The following DCP2 variants were observed in gnomAD, a reference collection of about 807,000 sequenced individuals.
DCP2 encodes decapping mRNA 2, also known as m7GpppN-mRNA hydrolase.
DCP2 carries 30 observed loss-of-function variants against 56.1 expected under a neutral mutation model. That is an observed-to-expected ratio of 0.53 (90% confidence interval 0.40 to 0.73). The LOEUF (loss-of-function observed/expected upper bound fraction) is 0.73, where lower values mean the gene tolerates loss of function less well. Ranked by LOEUF, DCP2 falls within the 30% of genes least tolerant of loss-of-function variation. DCP2 has a pLI of 0.00. For missense variants in DCP2, 533 were observed against 502.7 expected (o/e 1.06, Z -0.58); for synonymous variants, 197 against 163.3 (o/e 1.21, Z -1.57).
chr5:112,976,891 C>G lies in DCP2; in HGVS notation c.-43C>G, dbSNP rs941017147. On this transcript the variant is annotated 5_prime_UTR_variant, in exon 1 of 11. Transcript: ENST00000389063. ...TAGTGCCGTACCGTCAGTCCCCGGCCGCGCGGAGCCGGGATGCACTGTTCC... is the reference window on the plus strand; with the variant it reads ...TAGTGCCGTACCGTCAGTCCCCGGCGGCGCGGAGCCGGGATGCACTGTTCC... 3 of 1,605,308 alleles carry G rather than the reference C, an allele frequency of 1.9e-6. No homozygotes were observed. Among genetic ancestry groups the G allele is most frequent in the Non-Finnish European group, 2.6e-6 (3 of 1,171,940 alleles).
chr5:113,014,383 C>T lies in DCP2; in HGVS notation c.*899C>T, dbSNP rs1347446748. 6.6e-6 allele frequency: 1 copy of T among 152,176 alleles called. No homozygotes were observed. Among genetic ancestry groups the T allele is most frequent in the Non-Finnish European group, 1.5e-5 (1 of 68,020 alleles). The allele number at this position is 152,176 out of a possible 1,614,324, so 9.4% of individuals were successfully genotyped here. On this transcript the variant is annotated 3_prime_UTR_variant, in exon 11 of 11. Coordinates refer to ENST00000389063, the MANE Select transcript of DCP2 (RefSeq NM_152624.6). ...TTTACGTTGCATCTCCAGTATTGAT[C>T]TTTGGAAACTGATGTTACATTAGGT... is the stretch of plus-strand genomic sequence containing the variant.
chr5:113,019,310 T>C lies in DCP2; in HGVS notation c.*5826T>C, dbSNP rs1423956056. On this transcript the variant is annotated 3_prime_UTR_variant, in exon 11 of 11. Coordinates refer to ENST00000389063, the MANE Select transcript of DCP2 (RefSeq NM_152624.6). ...ATTCTTCAGCAGTTGGTTGATTAGA[T>C]GGGTTAGTGCTTTTGGAATATATAA... 6.6e-6 allele frequency: 1 copy of C among 152,236 alleles called. No individual in the cohort carries two copies. The highest frequency in any genetic ancestry group is 6.5e-5 in the Admixed American group (1 of 15,290). The allele number at this position is 152,236 out of a possible 1,614,324, so 9.4% of individuals were successfully genotyped here. A position where few individuals can be genotyped will look rare whatever the true frequency, so the allele number is the denominator to read the frequency against.
rs1464078231 is a variant in DCP2, at chr5:113,018,309, C to T, written c.*4825C>T. ...AAGTATGGAGGTCTTGAGAATTGTT[C>T]ATAATGAAATCTTTAATCTGGGTTA... On this transcript the variant is annotated 3_prime_UTR_variant, in exon 11 of 11. Coordinates refer to ENST00000389063, the MANE Select transcript of DCP2 (RefSeq NM_152624.6). 3 of 152,150 alleles carry T rather than the reference C, an allele frequency of 2.0e-5. No individual in the cohort carries two copies. The highest frequency in any genetic ancestry group is 2.9e-5 in the Non-Finnish European group (2 of 68,012). 9.4% of individuals were successfully genotyped at this position (152,150 alleles called of 1,614,324 possible).
Position 113,013,716 on chromosome 5 carries a change from G to T in DCP2, c.*232G>T. 4.7e-6 allele frequency: 2 copies of T among 424,662 alleles called. No individual in the cohort carries two copies. Among genetic ancestry groups the T allele is most frequent in the South Asian group, 5.3e-5 (1 of 18,964 alleles). 26.3% of individuals were successfully genotyped at this position (424,662 alleles called of 1,614,324 possible). A position where few individuals can be genotyped will look rare whatever the true frequency, so the allele number is the denominator to read the frequency against. On this transcript the variant is annotated 3_prime_UTR_variant, in exon 11 of 11. Transcript: ENST00000389063. ...TCAGTGTTCAGTACAAGTTTAAGTT[G>T]CTTTCTTTGAGGGCATTTATTCTGT...
At position 113,018,278 on chromosome 5, in the gene DCP2, ATGAT is replaced by A. The variant is rs1228074135; in HGVS notation, c.*4795_*4798del. Reference sequence around the variant, plus strand: ...GTACAAACAAGTGTAAAGAAAAACTATGATAAAGTATGGAGGTCTTGAGAATTGT... The same window carrying A: ...GTACAAACAAGTGTAAAGAAAAACTAAAAGTATGGAGGTCTTGAGAATTGT... On this transcript the variant is annotated 3_prime_UTR_variant, in exon 11 of 11. Coordinates refer to ENST00000389063, the MANE Select transcript of DCP2 (RefSeq NM_152624.6). 6.6e-6 allele frequency: 1 copy of A among 152,258 alleles called. No individual in the cohort carries two copies. The highest frequency in any genetic ancestry group is 2.4e-5 in the African/African-American group (1 of 41,464). 9.4% of individuals were successfully genotyped at this position (152,258 alleles called of 1,614,324 possible).
intron 4 of DCP2, among the ~76,000 whole-genome samples, chr5:112,994,638 C>G (rs1748765554): frequency 6.6e-6 from 1 of 152,146 alleles, no homozygotes; most frequent in Non-Finnish European, 1.5e-5. Flanking sequence ...ATTTATCACA[C>G]AATTTATCAT....
chr5:112,979,368 T>G (rs1747891071), intron 1 of DCP2, among the ~76,000 whole-genome samples: 2 of 152,206 alleles, frequency 1.3e-5, no homozygotes, highest in Non-Finnish European at 2.9e-5. Flanking sequence ...ATGTTACAGA[T>G]TCAAGCTTTT....
intron 2 of DCP2, among the ~76,000 whole-genome samples, chr5:112,990,084 A>G (rs1383373046): frequency 6.6e-6 from 1 of 152,182 alleles, no homozygotes; most frequent in Admixed American, 6.5e-5. Flanking sequence ...TGTACATGTA[A>G]ATCGTTTACT....
chr5:113,021,414 A>G lies in DCP2; in HGVS notation c.*7930A>G, dbSNP rs1750123691. Among the ~76,000 whole-genome samples, 1 of 151,572 alleles carries G rather than the reference A, an allele frequency of 6.6e-6. No individual in the cohort carries two copies. The highest frequency in any genetic ancestry group is 2.1e-4 in the South Asian group (1 of 4,808). On this transcript the variant is annotated 3_prime_UTR_variant, in exon 11 of 11. Transcript: ENST00000389063. ...AAAAAAAAAAAAAAAACCCCCAGGA[A>G]GAAATATTGTCGAGAGTCTCTGCAA...
At position 113,019,760 on chromosome 5, in the gene DCP2, AT is replaced by A. The variant is rs1357303964; in HGVS notation, c.*6278del. The A allele has an allele frequency of 6.6e-6, 1 of 152,246 alleles. No individual in the cohort carries two copies. Among genetic ancestry groups the A allele is most frequent in the Non-Finnish European group, 1.5e-5 (1 of 68,040 alleles). 9.4% of individuals were successfully genotyped at this position (152,246 alleles called of 1,614,324 possible). On this transcript the variant is annotated 3_prime_UTR_variant, in exon 11 of 11. Transcript: ENST00000389063. ...TACTTTTAAAAAATCATCCTTGGTA[AT>A]TATTGACTTATCCTAGATCCATGTA...
intron 1 of DCP2, among the ~76,000 whole-genome samples, chr5:112,981,602 T>G (rs963303192): frequency 2.4e-4 from 37 of 152,214 alleles, no homozygotes; most frequent in Non-Finnish European, 7.3e-5. Flanking sequence ...GGCTAGTTTC[T>G]TTTCCATCGG....
At chr5:113,009,514 A>G (rs1320700755) in intron 9 of DCP2, among the ~76,000 whole-genome samples, 1 of 152,236 alleles carries the variant, frequency 6.6e-6, no homozygotes, top group Admixed American at 6.5e-5. Context: ...AACACATAAA[A>G]ATTACTAATT....
chr5:113,008,385 G>A (rs959949), intron 9 of DCP2: 117,363 of 170,916 alleles, frequency 0.69, 41,212 homozygotes, highest in South Asian at 0.76. Context: ...GGGGGGATTT[G>A]ACTATTTTTT....
intron 1 of DCP2, among the ~76,000 whole-genome samples, chr5:112,985,599 A>G (rs1748241033): frequency 6.6e-6 from 1 of 152,142 alleles, no homozygotes; most frequent in African/African-American, 2.4e-5. Context: ...GTACTTGTGA[A>G]CAGAGGGTAC....
chr5:113,003,865 A>G (rs1423365700), intron 7 of DCP2, 77 bp from the exon 8 acceptor site: 13 of 1,485,496 alleles, frequency 8.8e-6, no homozygotes, highest in Non-Finnish European at 1.2e-5. Context: ...TGTAGTCTAT[A>G]AATTTAACTA....
intron 1 of DCP2, among the ~76,000 whole-genome samples, chr5:112,982,659 T>TC (rs1488189344): frequency 2.0e-5 from 3 of 151,508 alleles, no homozygotes; most frequent in African/African-American, 7.3e-5. Flanking sequence ...TAGTTTTTTT[T>TC]CCCCCCGAGG....
rs1749859837 is a variant in DCP2, at chr5:113,015,755, G to T, written c.*2271G>T. The T allele has an allele frequency of 6.6e-6, 1 of 152,592 alleles. No individual in the cohort carries two copies. Among genetic ancestry groups the T allele is most frequent in the Non-Finnish European group, 1.5e-5 (1 of 68,018 alleles). The allele number at this position is 152,592 out of a possible 1,614,324, so 9.5% of individuals were successfully genotyped here. A position where few individuals can be genotyped will look rare whatever the true frequency, so the allele number is the denominator to read the frequency against. ...TTTAAGTTGGATGTACTTGTTTTAGGTACATCTACTATACTTATTCTCTCA... is the reference window on the plus strand; with the variant it reads ...TTTAAGTTGGATGTACTTGTTTTAGTTACATCTACTATACTTATTCTCTCA... On this transcript the variant is annotated 3_prime_UTR_variant, in exon 11 of 11. Transcript: ENST00000389063.
chr5:113,018,335 T>A lies in DCP2; in HGVS notation c.*4851T>A, dbSNP rs1427893038. 3.9e-5 allele frequency: 6 copies of A among 152,200 alleles called. No homozygotes were observed. Among genetic ancestry groups the A allele is most frequent in the African/African-American group, 1.4e-4 (6 of 41,448 alleles). 9.4% of individuals were successfully genotyped at this position (152,200 alleles called of 1,614,324 possible). A position where few individuals can be genotyped will look rare whatever the true frequency, so the allele number is the denominator to read the frequency against. ...ATAATGAAATCTTTAATCTGGGTTA[T>A]CAGAGTAATGAAATCACCAATAAAA... On this transcript the variant is annotated 3_prime_UTR_variant, in exon 11 of 11. Coordinates refer to ENST00000389063, the MANE Select transcript of DCP2 (RefSeq NM_152624.6).
At chr5:113,001,841 G>T (rs1040857780) in intron 7 of DCP2, among the ~76,000 whole-genome samples, 167 bp downstream of exon 7, 4 of 152,106 alleles carry the variant, frequency 2.6e-5, no homozygotes, top group Non-Finnish European at 4.4e-5. Flanking sequence ...TTTCTGATGA[G>T]ATGAAAAAGG....
Sources: allele counts gnomAD v4.1 joint callset (sites outside exome capture counted in the v4.1 genomes callset), GRCh38; gene constraint gnomAD v4.1.1; transcripts MANE v1.5; gene names NCBI Gene and HGNC (gene_info 2026-07-23, HGNC 2026-07-21).